Variants in ZNRF1 observed in about 807,000 individuals in gnomAD.
The protein encoded by ZNRF1 is zinc and ring finger 1, also known as E3 ubiquitin-protein ligase ZNRF1.
In ZNRF1, 3 loss-of-function variants were observed where a neutral mutation model predicts 18.4. The ratio of observed to expected loss-of-function variants is 0.16; its 90% CI spans 0.07 to 0.42. The LOEUF is 0.42. ZNRF1 is among the 10% of genes least tolerant of loss of function. The pLI is 0.99. For missense variants in ZNRF1, 310 were observed against 329.8 expected, an observed-to-expected ratio of 0.94 and a Z score of 0.47; for synonymous variants, 157 against 144.2, an observed-to-expected ratio of 1.09 and a Z score of -0.64.
At chr16:75,093,954 T>C (rs2036169845) in intron 2 of ZNRF1, among the ~76,000 whole-genome samples, 1 of 152,334 alleles carries the variant, frequency 6.6e-6, no homozygotes, top group East Asian at 1.9e-4. Flanking sequence ...AACTCAGTTC[T>C]GAGGACTTTG....
At chr16:75,035,012 G>T (rs2035358793) in intron 1 of ZNRF1, among the ~76,000 whole-genome samples, 1 of 152,082 alleles carries the variant, frequency 6.6e-6, no homozygotes, top group African/African-American at 2.4e-5. Flanking sequence ...TTGAGGAACT[G>T]CCATAACTTT....
At chr16:75,053,521 G>T (rs925807594) in intron 1 of ZNRF1, among the ~76,000 whole-genome samples, 1 of 148,338 alleles carries the variant, frequency 6.7e-6, no homozygotes, top group Non-Finnish European at 1.5e-5. Flanking sequence ...CCTGGGAGGC[G>T]GAGGTTGCGG....
At chr16:75,026,660 G>T (rs2035227917) in intron 1 of ZNRF1, among the ~76,000 whole-genome samples, 1 of 152,084 alleles carries the variant, frequency 6.6e-6, no homozygotes, top group Non-Finnish European at 1.5e-5. Flanking sequence ...TTCTGGCCAG[G>T]CGCAGTGGCT....
intron 1 of ZNRF1, among the ~76,000 whole-genome samples, chr16:75,013,908 C>T (rs957979681): frequency 2.0e-5 from 3 of 149,764 alleles, no homozygotes; most frequent in African/African-American, 7.3e-5. Context: ...TGGCTCACTG[C>T]AACCTCTGCC....
intron 1 of ZNRF1, among the ~76,000 whole-genome samples, chr16:75,040,441 A>G (rs2035429422): frequency 1.3e-5 from 2 of 151,620 alleles, no homozygotes; most frequent in Non-Finnish European, 1.5e-5. Context: ...GAAAGTTCCT[A>G]TGCCTGTTTT....
chr16:75,000,568 C>G (rs576581298), intron 1 of ZNRF1, among the ~76,000 whole-genome samples: 1 of 152,346 alleles, frequency 6.6e-6, no homozygotes, highest in East Asian at 1.9e-4. Context: ...GGCTCTCACT[C>G]TTGCTGGGAG....
At chr16:75,020,976 A>C (rs1295065950) in intron 1 of ZNRF1, among the ~76,000 whole-genome samples, 1 of 152,104 alleles carries the variant, frequency 6.6e-6, no homozygotes, top group African/African-American at 2.4e-5. Flanking sequence ...TCTCTTCCCA[A>C]ATAGAAATCC....
chr16:75,026,960 T>A (rs2035232585), intron 1 of ZNRF1, among the ~76,000 whole-genome samples: 1 of 151,856 alleles, frequency 6.6e-6, no homozygotes. Context: ...TTATTTCATC[T>A]TATTAAGTGC....
At chr16:75,021,581 A>G (rs2035148852) in intron 1 of ZNRF1, among the ~76,000 whole-genome samples, 1 of 152,196 alleles carries the variant, frequency 6.6e-6, no homozygotes, top group Non-Finnish European at 1.5e-5. Context: ...TGTCATAACC[A>G]TTGGATAATT....
intron 1 of ZNRF1, among the ~76,000 whole-genome samples, chr16:75,039,726 G>A (rs2035418756): frequency 6.6e-6 from 1 of 152,168 alleles, no homozygotes; most frequent in African/African-American, 2.4e-5. Context: ...GAGAGGGGTT[G>A]GTCTGTCAAC....
At chr16:75,065,818 C>T (rs1046571954) in intron 1 of ZNRF1, among the ~76,000 whole-genome samples, 20 of 152,156 alleles carry the variant, frequency 1.3e-4, no homozygotes, top group African/African-American at 4.6e-4. Flanking sequence ...CTAGTGGTAG[C>T]CCCTCCTGTG....
chr16:75,090,772 C>T (rs927081607), intron 1 of ZNRF1, among the ~76,000 whole-genome samples: 1 of 151,902 alleles, frequency 6.6e-6, no homozygotes, highest in African/African-American at 2.4e-5. Context: ...AAAGCACTGC[C>T]AATGAAGGGA....
intron 1 of ZNRF1, among the ~76,000 whole-genome samples, chr16:75,064,416 C>T (rs569125573): frequency 6.6e-6 from 1 of 150,760 alleles, no homozygotes; most frequent in African/African-American, 2.4e-5. Flanking sequence ...ATTAGCCAGG[C>T]GTGGTAGCAG....
chr16:75,106,996 G>C, intron 4 of ZNRF1: 1 of 191,366 alleles, frequency 5.2e-6, no homozygotes, highest in Admixed American at 5.3e-5. Context: ...TTGCCATAAG[G>C]ACATTGCACT....
rs529319219 is a variant in ZNRF1, at chr16:75,077,518, G to A, written c.425-16054G>A. Reference sequence around the variant, plus strand: ...CTGCACTCCAGCCTGGCGACAGAGCGAGATTCCGTCTCAAAAAAACAAACA... The same window carrying A: ...CTGCACTCCAGCCTGGCGACAGAGCAAGATTCCGTCTCAAAAAAACAAACA... On this transcript the variant is annotated intron_variant, in intron 1 of 4. Coordinates refer to ENST00000335325, the MANE Select transcript of ZNRF1 (RefSeq NM_032268.5). 9.3e-4 allele frequency among the ~76,000 whole-genome samples: 141 copies of A among 152,312 alleles called. 1 individual carries two copies. The highest frequency in any genetic ancestry group is 3.4e-4 in the Non-Finnish European group (23 of 68,034).
chr16:75,068,188 TAAAAAAAAAAAAAAA>T, intron 1 of ZNRF1, among the ~76,000 whole-genome samples: 1 of 88,952 alleles, frequency 1.1e-5, no homozygotes, highest in African/African-American at 4.0e-5. Context: ...GACCTTGTCT[TAAAAAAAAAAAAAAA>T]AAAAAAAAAA....
At chr16:75,097,139 C>A (rs538393600) in intron 2 of ZNRF1, among the ~76,000 whole-genome samples, 1 of 152,262 alleles carries the variant, frequency 6.6e-6, no homozygotes, top group East Asian at 1.9e-4. Flanking sequence ...CCCTTTCTAA[C>A]ATCTCTGTTT....
chr16:75,020,935 C>G (rs1381202709), intron 1 of ZNRF1, among the ~76,000 whole-genome samples: 1 of 152,176 alleles, frequency 6.6e-6, no homozygotes, highest in African/African-American at 2.4e-5. Flanking sequence ...GGCTTGCATG[C>G]TTCATTAAAA....
At chr16:75,000,529 A>C (rs894757556) in intron 1 of ZNRF1, 31 of 328,222 alleles carry the variant, frequency 9.4e-5, no homozygotes, top group Non-Finnish European at 1.2e-5. Context: ...AAATGAAATA[A>C]AATCAGGGGC....
Sources: gnomAD v4.1 joint callset for allele counts (sites outside exome capture counted in the v4.1 genomes callset) on GRCh38, gnomAD v4.1.1 for gene constraint, MANE v1.5 for transcripts, NCBI Gene and HGNC (gene_info 2026-07-23, HGNC 2026-07-21) for gene names.